Variants in FOXP4 observed in about 807,000 individuals in gnomAD.
FOXP4 encodes the protein forkhead box P4, also known as forkhead box protein P4.
In FOXP4, 25 loss-of-function variants were observed where a neutral mutation model predicts 82.6. The ratio of observed to expected loss-of-function variants is 0.30; its 90% CI spans 0.22 to 0.42. The LOEUF is 0.42. Among genes scored for constraint, FOXP4 ranks in the 10% least tolerant of loss-of-function variants. The pLI is 1.00. For synonymous variants in FOXP4, 415 were observed against 388.2 expected, an observed-to-expected ratio of 1.07 and a Z score of -0.81; for missense variants, 785 against 900.9, an observed-to-expected ratio of 0.87 and a Z score of 1.65.
At chr6:41,586,496 T>C (rs1396121013) in intron 5 of FOXP4, among the ~76,000 whole-genome samples, 1 of 152,120 alleles carries the variant, frequency 6.6e-6, no homozygotes, top group Non-Finnish European at 1.5e-5. Flanking sequence ...CGAGCCTGGG[T>C]CCCAGTGAGT....
At chr6:41,562,699 T>C (rs1418828453) in intron 1 of FOXP4, among the ~76,000 whole-genome samples, 1 of 152,224 alleles carries the variant, frequency 6.6e-6, no homozygotes, top group East Asian at 1.9e-4. Context: ...GCTCTGGTCT[T>C]TGTCCCTTGG....
chr6:41,547,150 G>A (rs1228382837), intron 1 of FOXP4, among the ~76,000 whole-genome samples: 4 of 151,952 alleles, frequency 2.6e-5, no homozygotes, highest in Admixed American at 2.0e-4. Context: ...ACAGGTGGGG[G>A]CTGTGGCGCG....
chr6:41,554,143 C>T (rs1007415886), intron 1 of FOXP4, among the ~76,000 whole-genome samples: 1 of 152,168 alleles, frequency 6.6e-6, no homozygotes, highest in Non-Finnish European at 1.5e-5. Context: ...TTATCACTCT[C>T]ATTTGATAGG....
rs529532132 is a variant in FOXP4 at position 41,593,405 on chromosome 6, C to T, written c.1537-1465C>T. 3.3e-5 allele frequency among the ~76,000 whole-genome samples: 5 copies of T among 152,294 alleles called. No individual in the cohort carries two copies. The highest frequency in any genetic ancestry group is 2.0e-4 in the Admixed American group (3 of 15,300). On this transcript the variant is annotated intron_variant, in intron 13 of 16. Transcript: ENST00000307972. This position sits in a 1 kb window ranked among gnomAD's most constrained non-coding sequence, Gnocchi z 4.1. ...GCTGATGGTCCTTGCTGGCCCTCCC[C>T]GTGTCCATCCCCTCCCAAGGCCCGT... is the stretch of plus-strand genomic sequence containing the variant.
chr6:41,597,276 C>A, intron 15 of FOXP4, 34 bp downstream of exon 15: 3 of 1,604,810 alleles, frequency 1.9e-6, no homozygotes, highest in Non-Finnish European at 2.6e-6. Flanking sequence ...CTCACCTCTA[C>A]CTCCCGCCCC....
At chr6:41,568,820 A>G (rs1232555981) in intron 2 of FOXP4, among the ~76,000 whole-genome samples, 1 of 152,240 alleles carries the variant, frequency 6.6e-6, no homozygotes, top group Admixed American at 6.5e-5. Flanking sequence ...GGAGAGAGAT[A>G]AACAGGGCGA....
intron 1 of FOXP4, among the ~76,000 whole-genome samples, chr6:41,565,544 G>A (rs772649065): frequency 6.6e-6 from 1 of 152,178 alleles, no homozygotes; most frequent in African/African-American, 2.4e-5. Context: ...ATGGTTGGGG[G>A]TGTGGAGCCA....
In FOXP4 at chr6:41,557,028, C is replaced by T. The variant is rs370613995; in HGVS notation, c.-16-8717C>T. Among the ~76,000 whole-genome samples, 5 of 152,142 alleles carry T rather than the reference C, an allele frequency of 3.3e-5. No homozygotes were observed. The East Asian group carries it at 5.8e-4, about 18-fold the overall frequency. On this transcript the variant is annotated intron_variant, in intron 1 of 16. Coordinates refer to ENST00000307972, the MANE Select transcript of FOXP4 (RefSeq NM_001012426.2). ...CTTTCTCCTCTCTCCATTTCAAGCC[C>T]GGCAAAAGCAAGGATTACGTTTTGC...
rs1174395502 is a variant in FOXP4, at chr6:41,599,990, C to A, written c.*1054C>A. The A allele has an allele frequency of 1.3e-5, 2 of 152,702 alleles. No homozygotes were observed. Among genetic ancestry groups the A allele is most frequent in the Admixed American group, 1.3e-4 (2 of 15,286 alleles). The allele number at this position is 152,702 out of a possible 1,614,324, so 9.5% of individuals were successfully genotyped here. On this transcript the variant is annotated 3_prime_UTR_variant, in exon 17 of 17. Transcript: ENST00000307972. Reference sequence around the variant, plus strand: ...TTTTTGTTGGCTTTTTCCTTTGTCGCCTCCCCAGCACCTGCCCTCCCAGTC... The same window carrying A: ...TTTTTGTTGGCTTTTTCCTTTGTCGACTCCCCAGCACCTGCCCTCCCAGTC...
At position 41,591,520 on chromosome 6, in the gene FOXP4, CCCTT is replaced by C. The variant is rs1766512018; in HGVS notation, c.1536+205_1536+208del. ...GATTGTTCCATAACCTTTTAATGAT[CCCTT>C]CCTTCCAGCCTGGTGCTGCCTCCTT... is the stretch of plus-strand genomic sequence containing the variant. On this transcript the variant is annotated intron_variant, in intron 13 of 16. Transcript: ENST00000307972. This position sits in a 1 kb window ranked among gnomAD's most constrained non-coding sequence, Gnocchi z 4.2. Among the ~76,000 whole-genome samples, 2 of 152,236 alleles carry C rather than the reference CCCTT, an allele frequency of 1.3e-5. No homozygotes were observed. Among genetic ancestry groups the C allele is most frequent in the South Asian group, 2.1e-4 (1 of 4,836 alleles).
At chr6:41,575,062 G>A (rs1245528954) in intron 2 of FOXP4, among the ~76,000 whole-genome samples, 1 of 152,092 alleles carries the variant, frequency 6.6e-6, no homozygotes, top group Non-Finnish European at 1.5e-5. Context: ...TCCACCTCCC[G>A]GGTTCACGCC....
chr6:41,575,271 ATTCT>A (rs991193965), intron 2 of FOXP4, among the ~76,000 whole-genome samples: 7 of 152,174 alleles, frequency 4.6e-5, no homozygotes, highest in Non-Finnish European at 8.8e-5. Flanking sequence ...CCTGGCTATC[ATTCT>A]TTATATTAGA....
In FOXP4 at chr6:41,598,867, C is replaced by T; in HGVS notation, c.1974C>T (p.Asn658=). Residue 658 remains asparagine (N), a synonymous_variant, in exon 17 of 17, where the codon AAC becomes AAT. Coordinates refer to ENST00000307972, the MANE Select transcript of FOXP4 (RefSeq NM_001012426.2). ...RQPGPPLGAP[N]PSASGPPEDR... ...CCGGGCCTCCCCTGGGCGCCCCTAA[C>T]CCCAGCGCCTCGGGGCCTCCGGAAG... The T allele has an allele frequency of 6.3e-7, 1 of 1,598,536 alleles. No homozygotes were observed. Among genetic ancestry groups the T allele is most frequent in the Non-Finnish European group, 8.5e-7 (1 of 1,174,188 alleles).
At chr6:41,586,334 C>T (rs574262792) in intron 5 of FOXP4, among the ~76,000 whole-genome samples, 66 of 152,180 alleles carry the variant, frequency 4.3e-4, no homozygotes, top group Non-Finnish European at 9.0e-4. Context: ...TCTCAACCCA[C>T]CCAGGACATG....
At position 41,565,935 on chromosome 6, in the gene FOXP4, G is replaced by A. The variant is rs756859257; in HGVS notation, c.175G>A (p.Ala59Thr). 2.9e-5 allele frequency: 47 copies of A among 1,613,590 alleles called. No individual in the cohort carries two copies. The highest frequency in any genetic ancestry group is 9.3e-5 in the African/African-American group (7 of 74,938). The change falls in exon 2 of 17, where the codon GCA becomes ACA. Residue 59 changes from alanine to threonine, a missense_variant. Ala to Thr is a moderately conservative substitution (Grantham distance 58). This residue lies in a region of FOXP4 where 570 missense variants were observed against 634.0 expected (regional missense o/e 0.90). Transcript: ENST00000307972. Reference protein sequence around the residue: ...GADSNGEMSPAELLHFQQQQA... With the variant: ...GADSNGEMSPTELLHFQQQQA... Reference sequence around the variant, plus strand: ...AGACAGCAATGGTGAGATGAGTCCCGCAGAGCTGCTGCACTTCCAGCAGCA... The same window carrying A: ...AGACAGCAATGGTGAGATGAGTCCCACAGAGCTGCTGCACTTCCAGCAGCA...
In FOXP4 at chr6:41,590,079, A is replaced by G; in HGVS notation, c.1266A>G (p.Leu422=). ...CGGCCGCAGCCCCTGTCACCCCTCT[A>G]CGGCCCCCTGGCCTGGGCTCTGCCT... The part of the protein sequence containing the change: ...PTSAAAPVTP[L]RPPGLGSASL... The change falls in exon 11 of 17, where the codon CTA becomes CTG. Residue 422 remains leucine (L), a synonymous_variant. Transcript: ENST00000307972. 3.7e-6 allele frequency: 6 copies of G among 1,613,576 alleles called. No homozygotes were observed. The highest frequency in any genetic ancestry group is 1.3e-5 in the African/African-American group (1 of 74,952).
At chr6:41,579,736 C>T (rs978679148) in intron 3 of FOXP4, among the ~76,000 whole-genome samples, 4 of 152,164 alleles carry the variant, frequency 2.6e-5, no homozygotes, top group Non-Finnish European at 5.9e-5. Context: ...TTTTCTCAGG[C>T]CTTCTCTCTC....
chr6:41,589,455 C>T (rs1766356891), intron 9 of FOXP4, among the ~76,000 whole-genome samples: 1 of 152,348 alleles, frequency 6.6e-6, no homozygotes. Context: ...GCCGCCCCCC[C>T]GTGGGTGGGT....
intron 2 of FOXP4, among the ~76,000 whole-genome samples, chr6:41,573,265 A>G (rs1765298118): frequency 6.6e-6 from 1 of 152,116 alleles, no homozygotes; most frequent in Non-Finnish European, 1.5e-5. Flanking sequence ...CCAACCCCGA[A>G]TTCCCAGAAC....
Sources: allele counts gnomAD v4.1 joint callset (sites outside exome capture counted in the v4.1 genomes callset), GRCh38; gene constraint gnomAD v4.1.1; regional missense constraint gnomAD v4.1.1; non-coding constraint Gnocchi (gnomAD v3.1); transcripts MANE v1.5; gene names NCBI Gene and HGNC (gene_info 2026-07-23, HGNC 2026-07-21).